The following TADA2A variants were observed in gnomAD, a reference collection of about 807,000 sequenced individuals.
TADA2A encodes transcriptional adapter 2-alpha.
TADA2A carries 38 observed loss-of-function variants against 67.4 expected under a neutral mutation model. That is an observed-to-expected ratio of 0.56 (90% CI 0.44 to 0.74). TADA2A has a LOEUF of 0.74. TADA2A is among the 30% of genes least tolerant of loss of function. The pLI, the probability that TADA2A is intolerant of heterozygous loss-of-function variation, is 0.00. For synonymous variants in TADA2A, 192 were observed against 181.6 expected, an observed-to-expected ratio of 1.06 and a Z score of -0.46; for missense variants, 454 against 547.0, an observed-to-expected ratio of 0.83 and a Z score of 1.70.
At chr17:37,438,244 T>C (rs2052792370) in intron 5 of TADA2A, among the ~76,000 whole-genome samples, 1 of 152,204 alleles carries the variant, frequency 6.6e-6, no homozygotes, top group South Asian at 2.1e-4. Flanking sequence ...TTCACAGACT[T>C]CCTGATAGCA....
In TADA2A at chr17:37,478,651, A is replaced by T. The variant is rs918599723; in HGVS notation, c.*1669A>T. ...TGGTTATCTTGTTTCTGTTAGAAAC[A>T]AAGTTGTATATAGAAATAACTTCGT... On this transcript the variant is annotated 3_prime_UTR_variant, in exon 16 of 16. Transcript: ENST00000615182. The T allele has an allele frequency of 2.6e-5, 4 of 152,248 alleles. No individual in the cohort carries two copies. Among genetic ancestry groups the T allele is most frequent in the Non-Finnish European group, 5.9e-5 (4 of 68,046 alleles). 9.4% of individuals were successfully genotyped at this position (152,248 alleles called of 1,614,324 possible). A position where few individuals can be genotyped will look rare whatever the true frequency, so the allele number is the denominator to read the frequency against.
At chr17:37,465,397 C>A in intron 10 of TADA2A, 34 bp from the exon 11 acceptor site, 2 of 1,518,402 alleles carry the variant, frequency 1.3e-6, no homozygotes, top group Non-Finnish European at 1.8e-6. Context: ...CCTTACATTT[C>A]CCATGACACA....
intron 8 of TADA2A, among the ~76,000 whole-genome samples, chr17:37,451,522 A>G (rs749490171): frequency 1.1e-3 from 156 of 148,512 alleles, no homozygotes; most frequent in Non-Finnish European, 1.9e-3. Flanking sequence ...GGGTTTCACT[A>G]TGTTGCCCAG....
At chr17:37,407,451 C>G (rs1433947902) in intron 1 of TADA2A, 1 of 152,282 alleles carries the variant, frequency 6.6e-6, no homozygotes, top group African/African-American at 2.4e-5. Flanking sequence ...TTTCCTCCTC[C>G]CAACGTGGAC....
chr17:37,435,961 C>T (rs767542337), intron 4 of TADA2A, among the ~76,000 whole-genome samples: 11 of 152,076 alleles, frequency 7.2e-5, no homozygotes, highest in South Asian at 2.1e-4. Flanking sequence ...AAAAGTCCAC[C>T]CACCCAGGCC....
At chr17:37,445,183 T>C (rs2147981922) in intron 8 of TADA2A, among the ~76,000 whole-genome samples, 1 of 152,328 alleles carries the variant, frequency 6.6e-6, no homozygotes, top group South Asian at 2.1e-4. Context: ...GGAAAAAGAA[T>C]GGAAATTCCT....
At chr17:37,443,600 T>C (rs143415894) in intron 7 of TADA2A, among the ~76,000 whole-genome samples, 272 of 152,314 alleles carry the variant, frequency 1.8e-3, no homozygotes, top group Middle Eastern at 6.8e-3. Flanking sequence ...AAGATTGTAC[T>C]GTATCAGGGG....
chr17:37,411,532 C>G (rs1053335552), intron 2 of TADA2A, 142 bp downstream of exon 2: 9 of 756,212 alleles, frequency 1.2e-5, no homozygotes, highest in African/African-American at 5.3e-5. Flanking sequence ...AAACGGTTCT[C>G]CTGCCTCAGC....
intron 3 of TADA2A, among the ~76,000 whole-genome samples, 179 bp downstream of exon 3, chr17:37,423,794 G>C (rs1195922360): frequency 6.7e-6 from 1 of 149,422 alleles, no homozygotes; most frequent in African/African-American, 2.5e-5. Context: ...CAGTCGCCCA[G>C]GCTGGAGTAC....
At chr17:37,437,425 C>T (rs1054105505) in intron 4 of TADA2A, among the ~76,000 whole-genome samples, 4 of 150,564 alleles carry the variant, frequency 2.7e-5, no homozygotes, top group Non-Finnish European at 4.4e-5. Flanking sequence ...CTTGTTGTGA[C>T]GCCCAGGCTG....
At chr17:37,458,470 TATATA>T (rs1191800773) in intron 8 of TADA2A, 49 bp from the exon 9 acceptor site, 20 of 1,125,910 alleles carry the variant, frequency 1.8e-5, no homozygotes, top group African/African-American at 3.3e-5. Context: ...TTTATTTATT[TATATA>T]ATATATATAT....
intron 8 of TADA2A, among the ~76,000 whole-genome samples, chr17:37,451,901 T>C (rs2053244265): frequency 6.6e-6 from 1 of 152,102 alleles, no homozygotes; most frequent in Non-Finnish European, 1.5e-5. Flanking sequence ...GGAGAATTGC[T>C]TGAGCCTGGG....
In TADA2A at chr17:37,411,351, G is replaced by A. The variant is rs140453764; in HGVS notation, c.-15G>A. The A allele has an allele frequency of 4.2e-4, 683 of 1,613,884 alleles. 2 individuals carry two copies. The African/African-American group carries it at 8.0e-3, about 19-fold the overall frequency. On this transcript the variant is annotated 5_prime_UTR_variant, in exon 2 of 16. Transcript: ENST00000615182. ...GCTGAGGAAGACCAAAGCAGCACTC[G>A]TTGCCAATTAGGGAATGGACCGTTT...
At chr17:37,467,978 AGGC>A (rs1252753346) in intron 12 of TADA2A, among the ~76,000 whole-genome samples, 1 of 152,062 alleles carries the variant, frequency 6.6e-6, no homozygotes, top group Non-Finnish European at 1.5e-5. Context: ...ACTACTCGGG[AGGC>A]TGAGGCACAA....
intron 8 of TADA2A, among the ~76,000 whole-genome samples, chr17:37,447,345 G>C (rs2053112186): frequency 6.6e-6 from 1 of 152,128 alleles, no homozygotes; most frequent in Non-Finnish European, 1.5e-5. Flanking sequence ...AGTAGAGAGA[G>C]GGTTTTGCCA....
At chr17:37,422,484 T>TGACGATGATGATGATG (rs2052270998) in intron 2 of TADA2A, among the ~76,000 whole-genome samples, 2 of 85,654 alleles carry the variant, frequency 2.3e-5, no homozygotes, top group Non-Finnish European at 2.2e-5. Context: ...CCCAGCTGAT[T>TGACGATGATGATGATG]ATTATTATTA....
At chr17:37,416,869 G>A (rs1274320937) in intron 2 of TADA2A, among the ~76,000 whole-genome samples, 1 of 149,716 alleles carries the variant, frequency 6.7e-6, no homozygotes, top group African/African-American at 2.5e-5. Flanking sequence ...AACAGAACGA[G>A]AGTCCGCCTC....
intron 10 of TADA2A, among the ~76,000 whole-genome samples, chr17:37,463,907 C>T (rs1259042551): frequency 1.3e-5 from 2 of 151,828 alleles, no homozygotes; most frequent in African/African-American, 4.8e-5. Flanking sequence ...GAGCCAAGAT[C>T]GTGCTACTGC....
chr17:37,455,976 G>T (rs1172224612), intron 8 of TADA2A, among the ~76,000 whole-genome samples: 3 of 152,136 alleles, frequency 2.0e-5, no homozygotes, highest in Non-Finnish European at 4.4e-5. Flanking sequence ...GGCCAAAGTG[G>T]GTGGATTACT....
Sources: allele counts gnomAD v4.1 joint callset (sites outside exome capture counted in the v4.1 genomes callset), GRCh38; gene constraint gnomAD v4.1.1; transcripts MANE v1.5; gene names NCBI Gene and HGNC (gene_info 2026-07-23, HGNC 2026-07-21).